RORB: variants seen among roughly 807,000 people sequenced by gnomAD.
RORB encodes nuclear receptor ROR-beta.
In RORB, 6 loss-of-function variants were observed where a neutral mutation model predicts 59.1. That is an observed-to-expected ratio of 0.10 (90% CI 0.06 to 0.20). RORB has a LOEUF of 0.20. Ranked by LOEUF, RORB falls within the 10% of genes least tolerant of loss-of-function variation. The probability of loss-of-function intolerance (pLI) is 1.00; values close to 1 mark genes in which losing one functional copy is unlikely to be tolerated. For synonymous variants in RORB, 215 were observed against 204.5 expected (o/e 1.05, Z -0.44); for missense variants, 320 against 560.5 (o/e 0.57, Z 4.33).
At chr9:74,515,909 G>A (rs1378301203) in intron 1 of RORB, among the ~76,000 whole-genome samples, 3 of 152,038 alleles carry the variant, frequency 2.0e-5, no homozygotes, top group Non-Finnish European at 2.9e-5. Context: ...CTTTTCAGGT[G>A]AAAGGACAGA....
chr9:74,634,808 T>G, intron 3 of RORB, 36 bp downstream of exon 3: 1 of 1,573,864 alleles, frequency 6.4e-7, no homozygotes, highest in South Asian at 1.2e-5. Flanking sequence ...ACTTAAGCCC[T>G]TTCAAATGGA....
intron 1 of RORB, among the ~76,000 whole-genome samples, chr9:74,520,500 G>C (rs192312524): frequency 9.2e-5 from 14 of 151,992 alleles, no homozygotes; most frequent in Non-Finnish European, 1.5e-5. Context: ...ACCAATGACA[G>C]CTACATCATT....
chr9:74,669,084 A>G (rs1391814330), intron 8 of RORB, among the ~76,000 whole-genome samples: 2 of 152,244 alleles, frequency 1.3e-5, no homozygotes, highest in East Asian at 1.9e-4. Flanking sequence ...TAAGACCTCT[A>G]CTAGCTCTAA....
At chr9:74,556,933 C>T (rs1822302551) in intron 1 of RORB, among the ~76,000 whole-genome samples, 1 of 152,132 alleles carries the variant, frequency 6.6e-6, no homozygotes, top group Non-Finnish European at 1.5e-5. Flanking sequence ...TTCTGGATGT[C>T]TTGACTCATT....
chr9:74,596,723 T>C (rs1208767354), intron 1 of RORB, among the ~76,000 whole-genome samples: 1 of 152,182 alleles, frequency 6.6e-6, no homozygotes, highest in Non-Finnish European at 1.5e-5. Context: ...ACTGAACCCA[T>C]GCTTCCCCTG....
At chr9:74,538,017 G>A (rs1425171895) in intron 1 of RORB, among the ~76,000 whole-genome samples, 2 of 151,976 alleles carry the variant, frequency 1.3e-5, no homozygotes, top group Non-Finnish European at 2.9e-5. Context: ...CTATATAGGT[G>A]TACCACTTTT....
chr9:74,532,720 G>A (rs1222221918), intron 1 of RORB, among the ~76,000 whole-genome samples: 1 of 149,492 alleles, frequency 6.7e-6, no homozygotes, highest in East Asian at 2.0e-4. Context: ...ACATATATGT[G>A]TGTTACATAT....
chr9:74,515,830 C>T (rs1826001884), intron 1 of RORB, among the ~76,000 whole-genome samples: 1 of 152,100 alleles, frequency 6.6e-6, no homozygotes, highest in Non-Finnish European at 1.5e-5. Flanking sequence ...AGGAAGAACT[C>T]TGTGAGAAGT....
chr9:74,498,087 C>A, intron 1 of RORB, 104 bp downstream of exon 1: 1 of 1,347,920 alleles, frequency 7.4e-7, no homozygotes, highest in Non-Finnish European at 1.0e-6. Flanking sequence ...AAAGAGGTTG[C>A]CCAGGCGCAG....
intron 1 of RORB, among the ~76,000 whole-genome samples, chr9:74,524,058 G>A (rs980642516): frequency 1.4e-5 from 2 of 138,008 alleles, no homozygotes; most frequent in African/African-American, 5.5e-5. Context: ...GTGCTAATTT[G>A]GAGGGAATAA....
chr9:74,603,232 A>G (rs1307287383), intron 1 of RORB, among the ~76,000 whole-genome samples: 1 of 152,152 alleles, frequency 6.6e-6, no homozygotes, highest in Non-Finnish European at 1.5e-5. Flanking sequence ...AAGAAAACAC[A>G]GGCACTCATC....
At chr9:74,524,032 G>GTAT (rs1826120064) in intron 1 of RORB, among the ~76,000 whole-genome samples, 1 of 120,766 alleles carries the variant, frequency 8.3e-6, no homozygotes, top group African/African-American at 3.2e-5. Flanking sequence ...TTACCAAATA[G>GTAT]TATGTACCAA....
At chr9:74,670,977 G>A (rs1226383317) in intron 8 of RORB, among the ~76,000 whole-genome samples, 1 of 152,134 alleles carries the variant, frequency 6.6e-6, no homozygotes, top group Non-Finnish European at 1.5e-5. Context: ...TATTTGTTCG[G>A]CATTTGAAGA....
At chr9:74,511,494 G>C (rs1451336624) in intron 1 of RORB, among the ~76,000 whole-genome samples, 1 of 151,176 alleles carries the variant, frequency 6.6e-6, no homozygotes, top group Non-Finnish European at 1.5e-5. Flanking sequence ...AGTTGTAAGT[G>C]TCAAAGTGTG....
intron 1 of RORB, among the ~76,000 whole-genome samples, chr9:74,565,091 T>C (rs1822449547): frequency 6.6e-6 from 1 of 152,196 alleles, no homozygotes; most frequent in African/African-American, 2.4e-5. Context: ...AATTTCCTAT[T>C]GTGTTGTTAC....
At chr9:74,592,846 CAT>C (rs1330139887) in intron 1 of RORB, among the ~76,000 whole-genome samples, 1 of 152,158 alleles carries the variant, frequency 6.6e-6, no homozygotes, top group African/African-American at 2.4e-5. Context: ...CACACACACA[CAT>C]GAACATGCAC....
intron 1 of RORB, among the ~76,000 whole-genome samples, chr9:74,511,797 A>C (rs1272070686): frequency 6.6e-6 from 1 of 150,508 alleles, no homozygotes; most frequent in African/African-American, 2.5e-5. Context: ...TTGATGTTGC[A>C]CAACTGCTCT....
chr9:74,537,130 A>G (rs1267336063), intron 1 of RORB, among the ~76,000 whole-genome samples: 1 of 152,048 alleles, frequency 6.6e-6, no homozygotes, highest in Non-Finnish European at 1.5e-5. Flanking sequence ...AACAGAGTGC[A>G]GCTCTTTATT....
chr9:74,511,457 A>G (rs1473508405), intron 1 of RORB, among the ~76,000 whole-genome samples: 1 of 151,588 alleles, frequency 6.6e-6, no homozygotes, highest in African/African-American at 2.4e-5. Context: ...TCTCCTTTCA[A>G]CTTTTCCCAC....
Sources: allele counts gnomAD v4.1 joint callset (sites outside exome capture counted in the v4.1 genomes callset), GRCh38; gene constraint gnomAD v4.1.1; transcripts MANE v1.5; gene names NCBI Gene and HGNC (gene_info 2026-07-23, HGNC 2026-07-21).